RBPMS: variants seen among roughly 807,000 people sequenced by gnomAD.
RBPMS encodes RNA-binding protein with multiple splicing.
A neutral mutation model predicts 26.8 loss-of-function variants in RBPMS; 7 were observed. The ratio of observed to expected loss-of-function variants is 0.26; its 90% CI spans 0.15 to 0.49. The LOEUF (loss-of-function observed/expected upper bound fraction) is 0.49, where lower values mean the gene tolerates loss of function less well. Ranked by LOEUF, RBPMS falls within the 20% of genes least tolerant of loss-of-function variation. RBPMS has a pLI of 0.98. For missense variants in RBPMS, 186 were observed against 250.0 expected, an observed-to-expected ratio of 0.74 and a Z score of 1.73; for synonymous variants, 96 against 93.3, an observed-to-expected ratio of 1.03 and a Z score of -0.17.
Position 30,506,643 on chromosome 8 carries a change from T to C in RBPMS, c.397+2207T>C, listed in dbSNP as rs1821097899. On this transcript the variant is annotated intron_variant, in intron 5 of 8. Coordinates refer to ENST00000397323, the MANE Select transcript of RBPMS (RefSeq NM_001008710.3). Reference sequence around the variant, plus strand: ...TGGTACTCAAGGTGGTCAGTTTAACTACTTATCAGGTGTAGAATATAATGG... The same window carrying C: ...TGGTACTCAAGGTGGTCAGTTTAACCACTTATCAGGTGTAGAATATAATGG... Among the ~76,000 whole-genome samples, 3 of 152,204 alleles carry C rather than the reference T, an allele frequency of 2.0e-5. No homozygotes were observed. In the South Asian group the frequency reaches 6.2e-4, roughly 32 times the overall value.
intron 5 of RBPMS, among the ~76,000 whole-genome samples, chr8:30,510,738 C>T (rs991680234): frequency 1.3e-5 from 2 of 152,134 alleles, no homozygotes; most frequent in South Asian, 4.1e-4. Flanking sequence ...TGCCACCACA[C>T]CCAGCTAAAT....
At chr8:30,441,450 G>A (rs1407745493) in intron 1 of RBPMS, among the ~76,000 whole-genome samples, 4 of 152,162 alleles carry the variant, frequency 2.6e-5, no homozygotes, top group Admixed American at 6.5e-5. Context: ...AAGTTCAGTA[G>A]AACAGATTGT....
intron 5 of RBPMS, among the ~76,000 whole-genome samples, chr8:30,540,772 C>T (rs945632152): frequency 2.0e-5 from 3 of 152,048 alleles, no homozygotes; most frequent in African/African-American, 7.2e-5. Context: ...GTGTGGAAGC[C>T]GGGAGGGCTT....
At chr8:30,504,985 T>G (rs1028088187) in intron 5 of RBPMS, among the ~76,000 whole-genome samples, 1 of 152,180 alleles carries the variant, frequency 6.6e-6, no homozygotes, top group Non-Finnish European at 1.5e-5. Context: ...TTAAGGAAAT[T>G]TGGGGCTTTC....
intron 6 of RBPMS, chr8:30,545,501 G>A: frequency 5.3e-6 from 5 of 937,570 alleles, no homozygotes; most frequent in Non-Finnish European, 6.4e-6. Context: ...TTCTGCATGT[G>A]TAATTCAGCC....
intron 1 of RBPMS, among the ~76,000 whole-genome samples, chr8:30,421,961 GAAAAAA>G (rs1563303521): frequency 3.7e-4 from 3 of 8,104 alleles, no homozygotes; most frequent in Admixed American, 1.8e-3. Context: ...TCTCAAAAAA[GAAAAAA>G]GAAAAAAAAA....
At chr8:30,482,449 C>T (rs1818380932) in intron 4 of RBPMS, among the ~76,000 whole-genome samples, 1 of 152,174 alleles carries the variant, frequency 6.6e-6, no homozygotes, top group Non-Finnish European at 1.5e-5. Flanking sequence ...GTCTTGATTG[C>T]TATCTGGTTC....
chr8:30,461,978 A>T (rs969033137), intron 1 of RBPMS, among the ~76,000 whole-genome samples: 1 of 152,162 alleles, frequency 6.6e-6, no homozygotes, highest in African/African-American at 2.4e-5. Context: ...TTTTTTACTT[A>T]GTGTAATTCC....
chr8:30,513,587 CA>C (rs56184994), intron 5 of RBPMS, among the ~76,000 whole-genome samples: 1,562 of 107,934 alleles, frequency 0.014, no homozygotes, highest in Non-Finnish European at 0.02. Flanking sequence ...GACTCCATCT[CA>C]AAAAAAAAAA....
chr8:30,544,970 A>G, intron 6 of RBPMS: 1 of 1,454,368 alleles, frequency 6.9e-7, no homozygotes, highest in Non-Finnish European at 9.0e-7. Context: ...CTTGTGTGGA[A>G]GGGCTGCAGA....
At chr8:30,482,048 T>C (rs1373686052) in intron 4 of RBPMS, among the ~76,000 whole-genome samples, 1 of 152,240 alleles carries the variant, frequency 6.6e-6, no homozygotes, top group Non-Finnish European at 1.5e-5. Flanking sequence ...GAGTATTTAA[T>C]TCACAATGTC....
intron 1 of RBPMS, chr8:30,442,696 A>C (rs373203040): frequency 2.0e-5 from 3 of 151,920 alleles, no homozygotes; most frequent in East Asian, 3.9e-4. Flanking sequence ...GCGCGGCCGC[A>C]CTTCTGGTTG....
At chr8:30,488,360 T>G (rs1050350488) in intron 4 of RBPMS, among the ~76,000 whole-genome samples, 1 of 152,218 alleles carries the variant, frequency 6.6e-6, no homozygotes. Context: ...GTATAATGTC[T>G]CACAGAATTT....
intron 6 of RBPMS, chr8:30,544,833 T>G: frequency 6.5e-7 from 1 of 1,533,140 alleles, no homozygotes; most frequent in Non-Finnish European, 8.7e-7. Context: ...GCCTGATGTT[T>G]GCCCCAAATG....
At chr8:30,451,365 T>A (rs149566559) in intron 1 of RBPMS, among the ~76,000 whole-genome samples, 1 of 152,234 alleles carries the variant, frequency 6.6e-6, no homozygotes, top group African/African-American at 2.4e-5. Flanking sequence ...ATTGACATAG[T>A]GTCTGTACTC....
rs548896525 is a variant in RBPMS at position 30,515,545 on chromosome 8, C to T, written c.397+11109C>T. Among the ~76,000 whole-genome samples, 202 of 152,110 alleles carry T rather than the reference C, an allele frequency of 1.3e-3. 3 individuals are homozygous for T. The highest frequency in any genetic ancestry group is 0.012 in the South Asian group (59 of 4,810). ...GCAGGTATAAGAAACCAGTTGTCTT[C>T]TATTAAACTAGATACTAAAGAGATT... is the stretch of plus-strand genomic sequence containing the variant. On this transcript the variant is annotated intron_variant, in intron 5 of 8. Transcript: ENST00000397323.
chr8:30,570,044 G>A (rs2151099573), intron 8 of RBPMS, among the ~76,000 whole-genome samples: 1 of 152,242 alleles, frequency 6.6e-6, no homozygotes, highest in African/African-American at 2.4e-5. Context: ...AAAAGTCACA[G>A]GTCAGATACA....
chr8:30,485,404 G>GTTAA (rs1171863088), intron 4 of RBPMS, among the ~76,000 whole-genome samples: 1 of 152,106 alleles, frequency 6.6e-6, no homozygotes. Flanking sequence ...GCTGAAAGTG[G>GTTAA]GTTAAAGAGG....
intron 6 of RBPMS, among the ~76,000 whole-genome samples, chr8:30,557,392 TA>T (rs1404725837): frequency 5.3e-5 from 8 of 152,100 alleles, no homozygotes; most frequent in Admixed American, 2.0e-4. Flanking sequence ...AGAATCAAGT[TA>T]GGGGATCTCG....
Sources: allele counts gnomAD v4.1 joint callset (sites outside exome capture counted in the v4.1 genomes callset), GRCh38; gene constraint gnomAD v4.1.1; transcripts MANE v1.5; gene names NCBI Gene and HGNC (gene_info 2026-07-23, HGNC 2026-07-21).